The following NFIB variants were observed in gnomAD, a reference collection of about 807,000 sequenced individuals.
The protein encoded by NFIB is nuclear factor I B, also known as nuclear factor 1 B-type.
In NFIB, 11 loss-of-function variants were observed where a neutral mutation model predicts 61.5. The ratio of observed to expected loss-of-function variants is 0.18; its 90% confidence interval spans 0.11 to 0.30. The LOEUF (loss-of-function observed/expected upper bound fraction) is 0.30. Among genes scored for constraint, NFIB ranks in the 10% least tolerant of loss-of-function variants. The pLI, the probability that NFIB is intolerant of heterozygous loss-of-function variation, is 1.00. For missense variants in NFIB, 471 were observed against 608.9 expected (o/e 0.77, Z 2.38); for synonymous variants, 260 against 216.5 (o/e 1.20, Z -1.76).
chr9:14,103,881 A>G (rs1212503049), intron 10 of NFIB, among the ~76,000 whole-genome samples: 1 of 152,190 alleles, frequency 6.6e-6, no homozygotes, highest in East Asian at 1.9e-4. Flanking sequence ...TGTCATAAAG[A>G]AGTCATAAAT....
At chr9:14,158,881 T>C (rs866196686) in intron 3 of NFIB, among the ~76,000 whole-genome samples, 2 of 152,228 alleles carry the variant, frequency 1.3e-5, no homozygotes, top group African/African-American at 4.8e-5. Context: ...AGTGTTTAAA[T>C]AGTAAGAGCC....
chr9:14,456,919 G>A, the NFIB span, among the ~76,000 whole-genome samples: 2 of 152,166 alleles, frequency 1.3e-5, no homozygotes, highest in Non-Finnish European at 2.9e-5. Flanking sequence ...AAAATCAAAA[G>A]TCTTAAAACA....
At chr9:14,324,176 T>TA (rs1000790888) in intron 1 of NFIB, among the ~76,000 whole-genome samples, 1 of 152,182 alleles carries the variant, frequency 6.6e-6, no homozygotes, top group African/African-American at 2.4e-5. Context: ...AGTATAGCTA[T>TA]AACTCAGTCT....
the NFIB span, among the ~76,000 whole-genome samples, chr9:14,492,177 C>A: frequency 3.9e-5 from 6 of 152,030 alleles, no homozygotes; most frequent in Admixed American, 2.6e-4. Flanking sequence ...TCCTGGATAA[C>A]ACAGTGAAAC....
chr9:14,496,194 G>A, the NFIB span, among the ~76,000 whole-genome samples: 3 of 152,098 alleles, frequency 2.0e-5, no homozygotes, highest in Non-Finnish European at 4.4e-5. Context: ...TTTATCTTTG[G>A]ATTTTGGAAT....
chr9:14,268,896 G>A lies in NFIB; in HGVS notation c.562+38093C>T, dbSNP rs377619200. On this transcript the variant is annotated intron_variant, in intron 2 of 10. Transcript: ENST00000380953. ...GTACTAAAGAGATATTGATGGTGAC[G>A]GCTTTGGGTTTCAATTGTAAACAGT... is the stretch of plus-strand genomic sequence containing the variant. Among the ~76,000 whole-genome samples, 15 of 152,242 alleles carry A rather than the reference G, an allele frequency of 9.9e-5. No individual in the cohort carries two copies. In the East Asian group the frequency reaches 1.9e-3, roughly 20 times the overall value.
At chr9:14,339,352 C>T (rs1444540745) in intron 1 of NFIB, among the ~76,000 whole-genome samples, 1 of 152,138 alleles carries the variant, frequency 6.6e-6, no homozygotes. Flanking sequence ...CTATTAGCTG[C>T]CTCGTTTGCT....
At chr9:14,229,332 G>A (rs2052830136) in intron 2 of NFIB, among the ~76,000 whole-genome samples, 1 of 152,088 alleles carries the variant, frequency 6.6e-6, no homozygotes. Context: ...GTACCAACAG[G>A]AATTCTGAGT....
At chr9:14,508,189 CATT>C in the NFIB span, among the ~76,000 whole-genome samples, 1 of 151,592 alleles carries the variant, frequency 6.6e-6, no homozygotes, top group Non-Finnish European at 1.5e-5. Flanking sequence ...TCTACATAAA[CATT>C]ATATATACAT....
chr9:14,522,833 A>C, the NFIB span, among the ~76,000 whole-genome samples: 2 of 152,164 alleles, frequency 1.3e-5, no homozygotes, highest in Non-Finnish European at 2.9e-5. Flanking sequence ...GTTGAAGGTG[A>C]AGACTGCTTA....
chr9:14,302,965 T>A lies in NFIB; in HGVS notation c.562+4024A>T, dbSNP rs146324103. Among the ~76,000 whole-genome samples the A allele has an allele frequency of 7.6e-4, 116 of 152,234 alleles. 1 individual carries two copies. The highest frequency in any genetic ancestry group is 3.1e-3 in the East Asian group (16 of 5,182). On this transcript the variant is annotated intron_variant, in intron 2 of 10. Coordinates refer to ENST00000380953, the MANE Select transcript of NFIB (RefSeq NM_001190737.2). ...AACCAAAATTATTTTAGGCTTTTGG[T>A]TGATTTTCCCAGTGTACAAAATTGT...
At chr9:14,488,265 C>T in the NFIB span, among the ~76,000 whole-genome samples, 2 of 151,360 alleles carry the variant, frequency 1.3e-5, no homozygotes, top group Non-Finnish European at 2.9e-5. Context: ...CAAGGGGCTG[C>T]AGTGGGAGGA....
At chr9:14,487,502 C>T in the NFIB span, among the ~76,000 whole-genome samples, 3 of 152,188 alleles carry the variant, frequency 2.0e-5, no homozygotes, top group Non-Finnish European at 2.9e-5. Flanking sequence ...CCCCTGCCGA[C>T]TTAAATGGCC....
intron 6 of NFIB, among the ~76,000 whole-genome samples, chr9:14,127,098 A>G (rs1319302874): frequency 2.6e-5 from 4 of 152,216 alleles, no homozygotes; most frequent in African/African-American, 9.7e-5. Flanking sequence ...GAGAGCTTGA[A>G]ATAAGAATCA....
chr9:14,315,939 C>T (rs2060527270), upstream of NFIB, among the ~76,000 whole-genome samples: 1 of 152,004 alleles, frequency 6.6e-6, no homozygotes, highest in South Asian at 2.1e-4. Flanking sequence ...GGCCGCCCCG[C>T]TTCCACGGGT....
chr9:14,526,988 A>G, the NFIB span, among the ~76,000 whole-genome samples: 2 of 152,216 alleles, frequency 1.3e-5, no homozygotes, highest in Non-Finnish European at 2.9e-5. Flanking sequence ...TTCTTTATCC[A>G]AAGTTTACAT....
At chr9:14,258,076 G>T (rs2056398678) in intron 2 of NFIB, among the ~76,000 whole-genome samples, 2 of 152,130 alleles carry the variant, frequency 1.3e-5, no homozygotes, top group Non-Finnish European at 2.9e-5. Flanking sequence ...GTTCTTTTAT[G>T]AACATAGTTA....
chr9:14,320,146 G>C (rs2060629417), intron 1 of NFIB, among the ~76,000 whole-genome samples: 1 of 152,134 alleles, frequency 6.6e-6, no homozygotes, highest in Non-Finnish European at 1.5e-5. Flanking sequence ...GTCTGCTAAA[G>C]AATAAAAATT....
chr9:14,136,539 T>C (rs1171067127), intron 6 of NFIB, among the ~76,000 whole-genome samples: 1 of 152,138 alleles, frequency 6.6e-6, no homozygotes, highest in Non-Finnish European at 1.5e-5. Context: ...GAGGAGAACA[T>C]TTGGGGAAAA....
Sources: gnomAD v4.1 joint callset for allele counts (sites outside exome capture counted in the v4.1 genomes callset) on GRCh38, gnomAD v4.1.1 for gene constraint, MANE v1.5 for transcripts, NCBI Gene and HGNC (gene_info 2026-07-23, HGNC 2026-07-21) for gene names.